Variants in ANXA10 observed in about 807,000 individuals in gnomAD.
The protein encoded by ANXA10 is annexin A10.
ANXA10 carries 49 observed loss-of-function variants against 53.5 expected under a neutral mutation model. The observed-to-expected ratio is 0.92, with a 90% CI of 0.73 to 1.16. The LOEUF (loss-of-function observed/expected upper bound fraction) is 1.16. Ranked by LOEUF, ANXA10 falls within the 50% of genes most tolerant of loss-of-function variation. The pLI is 0.00. For missense variants in ANXA10, 393 were observed against 394.4 expected (o/e 1.00, Z 0.03); for synonymous variants, 131 against 128.9 (o/e 1.02, Z -0.11).
chr4:168,162,560 G>C lies in ANXA10; in HGVS notation c.228G>C (p.Ser76=). 1.2e-6 allele frequency: 2 copies of C among 1,613,732 alleles called. No homozygotes were observed. Among genetic ancestry groups the C allele is most frequent in the Non-Finnish European group, 1.7e-6 (2 of 1,179,842 alleles). Residue 76 remains serine (S), a synonymous_variant, in exon 4 of 12, where the codon TCG becomes TCC. Transcript: ENST00000359299. ...DLIGDMREQL[S]DHFKDVMAGL... ...TTGGGGATATGAGGGAGCAGCTTTC[G>C]GATCACTTCAAAGATGTGATGGCTG...
intron 2 of ANXA10, among the ~76,000 whole-genome samples, chr4:168,133,090 T>C (rs1181688991): frequency 6.6e-6 from 1 of 152,212 alleles, no homozygotes; most frequent in East Asian, 1.9e-4. Flanking sequence ...CTTTATGCAA[T>C]CTATGTAGTG....
intron 10 of ANXA10, among the ~76,000 whole-genome samples, chr4:168,183,276 G>T (rs1294218560): frequency 6.6e-6 from 1 of 152,160 alleles, no homozygotes; most frequent in Non-Finnish European, 1.5e-5. Flanking sequence ...TGCAAAGGAA[G>T]AACCTGGATA....
In ANXA10 at chr4:168,095,810, C is replaced by A. The variant is rs553229817; in HGVS notation, c.18+3092C>A. On this transcript the variant is annotated intron_variant, in intron 1 of 11. Coordinates refer to ENST00000359299, the MANE Select transcript of ANXA10 (RefSeq NM_007193.5). ...AGATACAGAGGATTCTGTGTAACTC[C>A]AAAATCATTTCTACCACACTGAGAG... is the stretch of plus-strand genomic sequence containing the variant. Among the ~76,000 whole-genome samples, 4 of 152,126 alleles carry A rather than the reference C, an allele frequency of 2.6e-5. No individual in the cohort carries two copies. In the South Asian group the frequency reaches 8.3e-4, roughly 32 times the overall value.
At chr4:168,133,441 A>G (rs1031814450) in intron 2 of ANXA10, among the ~76,000 whole-genome samples, 12 of 152,092 alleles carry the variant, frequency 7.9e-5, no homozygotes, top group Admixed American at 4.6e-4. Flanking sequence ...TCTTGAGACT[A>G]TAACTGATAA....
intron 1 of ANXA10, among the ~76,000 whole-genome samples, chr4:168,097,448 T>C (rs969216145): frequency 6.6e-5 from 10 of 152,052 alleles, no homozygotes; most frequent in African/African-American, 2.4e-4. Context: ...AGATCCAACA[T>C]AATGGTTTTA....
rs1560792209 is a variant in ANXA10 at position 168,177,918 on chromosome 4, C to CG, written c.568dup (p.Glu190GlyfsTer38). 6.2e-7 allele frequency: 1 copy of CG among 1,613,878 alleles called. No individual in the cohort carries two copies. The highest frequency in any genetic ancestry group is 1.7e-5 in the Admixed American group (1 of 59,986). On this transcript the variant is annotated frameshift_variant, in exon 8 of 12. Transcript: ENST00000359299. LOFTEE classifies it high-confidence loss of function. ...CTATGGGAAGCCTGTCAGCAGAAGA[C>CG]GGGGGAGCACAAAACCATGCTGCAA...
intron 1 of ANXA10, among the ~76,000 whole-genome samples, chr4:168,096,621 T>C (rs1167850396): frequency 6.6e-6 from 1 of 152,050 alleles, no homozygotes; most frequent in Non-Finnish European, 1.5e-5. Context: ...ATAGGATCCA[T>C]GTGACTGAGC....
intron 3 of ANXA10, among the ~76,000 whole-genome samples, chr4:168,157,967 T>A (rs1008726258): frequency 2.0e-5 from 3 of 152,176 alleles, no homozygotes; most frequent in African/African-American, 7.2e-5. Context: ...AGGAATGCAT[T>A]TGATGGATTG....
At chr4:168,154,986 C>T (rs1025553382) in intron 3 of ANXA10, among the ~76,000 whole-genome samples, 1 of 152,076 alleles carries the variant, frequency 6.6e-6, no homozygotes, top group Non-Finnish European at 1.5e-5. Flanking sequence ...ATACCCTTTG[C>T]ACTACAAGGA....
intron 9 of ANXA10, 29 bp downstream of exon 9, chr4:168,179,341 A>G: frequency 6.8e-7 from 1 of 1,480,608 alleles, no homozygotes; most frequent in Non-Finnish European, 9.4e-7. Flanking sequence ...GAAGCACAAC[A>G]GACATTTTAT....
chr4:168,164,033 T>C (rs982559201), intron 4 of ANXA10, among the ~76,000 whole-genome samples, 165 bp from the exon 5 acceptor site: 3 of 152,174 alleles, frequency 2.0e-5, no homozygotes, highest in African/African-American at 7.2e-5. Context: ...AGGTAGTAAA[T>C]GGCAAAGCTG....
chr4:168,144,804 T>C (rs1390218562), intron 3 of ANXA10, among the ~76,000 whole-genome samples: 1 of 152,164 alleles, frequency 6.6e-6, no homozygotes, highest in Non-Finnish European at 1.5e-5. Context: ...ACCCAGAGAA[T>C]AGACCAACTA....
chr4:168,151,795 C>T (rs568905197), intron 3 of ANXA10, among the ~76,000 whole-genome samples: 2 of 152,296 alleles, frequency 1.3e-5, no homozygotes, highest in South Asian at 2.1e-4. Flanking sequence ...TAATAGCATG[C>T]TATTCCCATT....
In ANXA10 at chr4:168,155,785, A is replaced by G. The variant is rs1436352590; in HGVS notation, c.196-6743A>G. ...ATATATGATATATCATATATTATAT[A>G]TTATATATAATATATAATATATGAT... On this transcript the variant is annotated intron_variant, in intron 3 of 11. Coordinates refer to ENST00000359299, the MANE Select transcript of ANXA10 (RefSeq NM_007193.5). Among the ~76,000 whole-genome samples, 2 of 20,776 alleles carry G rather than the reference A, an allele frequency of 9.6e-5. 1 individual carries two copies. The highest frequency in any genetic ancestry group is 1.6e-4 in the Non-Finnish European group (2 of 12,668). The allele number at this position is 20,776 out of a possible 152,430, so 13.6% of individuals were successfully genotyped here. A position where few individuals can be genotyped will look rare whatever the true frequency, so the allele number is the denominator to read the frequency against.
intron 6 of ANXA10, among the ~76,000 whole-genome samples, chr4:168,173,538 G>A (rs943940550): frequency 6.6e-6 from 1 of 152,170 alleles, no homozygotes; most frequent in Non-Finnish European, 1.5e-5. Context: ...TAAGGAGGCT[G>A]CTTCAGCAGT....
At chr4:168,162,743 G>A in intron 4 of ANXA10, 102 bp downstream of exon 4, 1 of 838,306 alleles carries the variant, frequency 1.2e-6, no homozygotes, top group South Asian at 1.5e-5. Flanking sequence ...TATGATCAAG[G>A]AGAGGGGAGG....
rs1553957730 is a variant in ANXA10 at position 168,156,162 on chromosome 4, TTA to T, written c.196-6358_196-6357del. 5.1e-4 allele frequency among the ~76,000 whole-genome samples: 26 copies of T among 50,894 alleles called. 1 individual carries two copies. Among genetic ancestry groups the T allele is most frequent in the Admixed American group, 8.2e-4 (2 of 2,426 alleles). 33.4% of individuals were successfully genotyped at this position (50,894 alleles called of 152,430 possible). On this transcript the variant is annotated intron_variant, in intron 3 of 11. Coordinates refer to ENST00000359299, the MANE Select transcript of ANXA10 (RefSeq NM_007193.5). ...ATATAAAAATAATATATATTATATATTATATATATTATATTATATATTATATA... is the reference window on the plus strand; with the variant it reads ...ATATAAAAATAATATATATTATATATTATATATTATATTATATATTATATA...
At chr4:168,112,808 G>C (rs1403134150) in intron 1 of ANXA10, among the ~76,000 whole-genome samples, 2 of 152,120 alleles carry the variant, frequency 1.3e-5, no homozygotes, top group African/African-American at 4.8e-5. Context: ...ATCATTTGAA[G>C]TCAGGAGTTC....
chr4:168,115,496 C>T (rs979204099), intron 1 of ANXA10, among the ~76,000 whole-genome samples: 4 of 109,818 alleles, frequency 3.6e-5, no homozygotes, highest in South Asian at 2.7e-4. Context: ...ACAATACACA[C>T]GCACACACAC....
Sources: allele counts gnomAD v4.1 joint callset (sites outside exome capture counted in the v4.1 genomes callset), GRCh38; gene constraint gnomAD v4.1.1; transcripts MANE v1.5; gene names NCBI Gene and HGNC (gene_info 2026-07-23, HGNC 2026-07-21).